Variants in ZNF189 observed in about 807,000 individuals in gnomAD.
The protein encoded by ZNF189 is zinc finger protein 189.
Under a neutral mutation model 53.5 loss-of-function variants are expected in ZNF189, and 33 were observed. The ratio of observed to expected loss-of-function variants is 0.62; its 90% confidence interval spans 0.47 to 0.82. ZNF189 has a LOEUF of 0.82. Ranked by LOEUF, ZNF189 falls within the 40% of genes least tolerant of loss-of-function variation. ZNF189 has a pLI of 0.00. For missense variants in ZNF189, 711 were observed against 753.9 expected, an observed-to-expected ratio of 0.94 and a Z score of 0.67; for synonymous variants, 247 against 238.8, an observed-to-expected ratio of 1.03 and a Z score of -0.32.
At chr9:101,399,303 C>T in intron 1 of ZNF189, 114 bp downstream of exon 1, 1 of 1,433,872 alleles carries the variant, frequency 7.0e-7, no homozygotes, top group Non-Finnish European at 9.2e-7. Context: ...TCTTTAGGGC[C>T]AGCGCCTTGC....
intron 2 of ZNF189, among the ~76,000 whole-genome samples, chr9:101,400,871 C>T (rs1246664799): frequency 6.6e-6 from 1 of 152,210 alleles, no homozygotes; most frequent in Non-Finnish European, 1.5e-5. Context: ...GACAGGCTTT[C>T]TCCCCTTGTG....
Position 101,409,767 on chromosome 9 carries a change from A to G in ZNF189, c.*118A>G. 8.4e-7 allele frequency: 1 copy of G among 1,184,946 alleles called. No homozygotes were observed. 73.4% of individuals were successfully genotyped at this position (1,184,946 alleles called of 1,614,324 possible). ...GCAAATTCTCCTTGGCCTCAGGCAAATAGTTTCTAAAGATTCTGTGAATAG... is the reference window on the plus strand; with the variant it reads ...GCAAATTCTCCTTGGCCTCAGGCAAGTAGTTTCTAAAGATTCTGTGAATAG... On this transcript the variant is annotated 3_prime_UTR_variant, in exon 3 of 3. Transcript: ENST00000339664.
chr9:101,401,220 A>G (rs919888113), intron 2 of ZNF189, among the ~76,000 whole-genome samples: 2 of 152,110 alleles, frequency 1.3e-5, no homozygotes, highest in African/African-American at 4.8e-5. Context: ...GGGTTTTTAT[A>G]TCTTAGCAAT....
chr9:101,400,155 A>G, intron 2 of ZNF189, 145 bp downstream of exon 2: 1 of 1,130,178 alleles, frequency 8.8e-7, no homozygotes, highest in Non-Finnish European at 1.2e-6. Context: ...TTGTTTCCAT[A>G]ACTCTCATCC....
In ZNF189 at chr9:101,399,880, T is replaced by TC; in HGVS notation, c.34-3dup. Reference sequence around the variant, plus strand: ...AACTGACTACAGAAATCATACTATTTCAGGGGTTGCTGACATTTGAGGATG... The same window carrying TC: ...AACTGACTACAGAAATCATACTATTTCCAGGGGTTGCTGACATTTGAGGATG... On this transcript the variant is annotated splice_polypyrimidine_tract_variant and splice_region_variant and intron_variant, in intron 1 of 2. Coordinates refer to ENST00000339664, the MANE Select transcript of ZNF189 (RefSeq NM_003452.4). 3 of 1,614,122 alleles carry TC rather than the reference T, an allele frequency of 1.9e-6. No homozygotes were observed. Among genetic ancestry groups the TC allele is most frequent in the Non-Finnish European group, 2.5e-6 (3 of 1,179,996 alleles).
At chr9:101,405,933 C>T (rs1297113835) in intron 2 of ZNF189, among the ~76,000 whole-genome samples, 1 of 151,604 alleles carries the variant, frequency 6.6e-6, no homozygotes, top group Non-Finnish European at 1.5e-5. Flanking sequence ...GGCACAGTGG[C>T]GGGTGCCTGT....
rs746233232 is a variant in ZNF189, at chr9:101,408,726, G to A, written c.958G>A (p.Glu320Lys). ...HTGERPHKCG[E>K]CGKAFRLSTY... ...TGGGGAAAGACCCCATAAATGTGGT[G>A]AATGTGGGAAAGCCTTTCGATTAAG... Residue 320 changes from glutamate to lysine, a missense_variant, in exon 3 of 3, where the codon GAA becomes AAA. Coordinates refer to ENST00000339664, the MANE Select transcript of ZNF189 (RefSeq NM_003452.4). 2.5e-6 allele frequency: 4 copies of A among 1,614,204 alleles called. No individual in the cohort carries two copies. Among genetic ancestry groups the A allele is most frequent in the Admixed American group, 1.7e-5 (1 of 60,020 alleles).
chr9:101,403,888 C>T (rs1830621724), intron 2 of ZNF189, among the ~76,000 whole-genome samples: 1 of 152,246 alleles, frequency 6.6e-6, no homozygotes, highest in Admixed American at 6.5e-5. Flanking sequence ...CAGTCTATAA[C>T]ACTGTCTTAT....
chr9:101,408,889 G>C lies in ZNF189; in HGVS notation c.1121G>C (p.Cys374Ser), dbSNP rs769280235. The change falls in exon 3 of 3, where the codon TGC becomes TCC. Residue 374 changes from cysteine to serine, a missense_variant. By Grantham distance (112) the Cys-to-Ser change is moderately radical. Coordinates refer to ENST00000339664, the MANE Select transcript of ZNF189 (RefSeq NM_003452.4). ...CATACTGGTGAAAGACCTTATCAGT[G>C]CAAAGAGTGTGGGAAAAGTTTCAGT... ...RIHTGERPYQ[C>S]KECGKSFSQL... The C allele has an allele frequency of 6.2e-7, 1 of 1,614,130 alleles. No individual in the cohort carries two copies. Among genetic ancestry groups the C allele is most frequent in the Non-Finnish European group, 8.5e-7 (1 of 1,180,024 alleles).
chr9:101,408,291 C>A lies in ZNF189; in HGVS notation c.523C>A (p.Pro175Thr), dbSNP rs1255049457. The A allele has an allele frequency of 1.2e-6, 2 of 1,613,964 alleles. No individual in the cohort carries two copies. The highest frequency in any genetic ancestry group is 1.7e-6 in the Non-Finnish European group (2 of 1,180,006). Residue 175 changes from proline to threonine, a missense_variant, in exon 3 of 3, where the codon CCT becomes ACT. By Grantham distance (38) the Pro-to-Thr change is conservative. Coordinates refer to ENST00000339664, the MANE Select transcript of ZNF189 (RefSeq NM_003452.4). ...QHQRVHTGEK[P>T]FQCNECGKSF... ...TCAAAGGGTCCATACTGGTGAGAAA[C>A]CTTTTCAGTGCAATGAATGTGGGAA... is the stretch of plus-strand genomic sequence containing the variant.
At chr9:101,407,683 C>G (rs1459245067) in intron 2 of ZNF189, among the ~76,000 whole-genome samples, 2 of 152,220 alleles carry the variant, frequency 1.3e-5, no homozygotes, top group East Asian at 3.8e-4. Context: ...GCATGAGCCA[C>G]TATGCCTGGC....
rs375023874 is a variant in ZNF189, at chr9:101,408,032, A to G, written c.264A>G (p.Lys88=). The G allele has an allele frequency of 9.3e-6, 15 of 1,613,868 alleles. No homozygotes were observed. The highest frequency in any genetic ancestry group is 1.2e-5 in the Non-Finnish European group (14 of 1,179,940). ...AGGGTGTAATAGTTACAAGAATCAA[A>G]AGTGAAATTGACCAGGATCCTATGG... ...EPQGVIVTRI[K]SEIDQDPMGR... The change falls in exon 3 of 3, where the codon AAA becomes AAG. Residue 88 remains lysine (K), a synonymous_variant. Transcript: ENST00000339664.
chr9:101,408,763 T>C lies in ZNF189; in HGVS notation c.995T>C (p.Ile332Thr). The C allele has an allele frequency of 6.2e-7, 1 of 1,614,106 alleles. No homozygotes were observed. The highest frequency in any genetic ancestry group is 1.1e-5 in the South Asian group (1 of 91,074). Residue 332 changes from isoleucine (I) to threonine (T), a missense_variant, in exon 3 of 3, where the codon ATA (isoleucine) becomes ACA (threonine). Physicochemically the swap from Ile to Thr is moderately conservative, Grantham distance 89. Transcript: ENST00000339664. ...GKAFRLSTYL[I>T]QHQKIHTGEK... is the part of the protein sequence containing the mutation. ...GCCTTTCGATTAAGCACATACCTTA[T>C]ACAACACCAAAAAATTCACACTGGC... is the stretch of plus-strand genomic sequence containing the variant.
At chr9:101,402,047 C>T (rs562741728) in intron 2 of ZNF189, among the ~76,000 whole-genome samples, 5 of 152,186 alleles carry the variant, frequency 3.3e-5, no homozygotes, top group Admixed American at 6.5e-5. Context: ...CCTGAGTAGC[C>T]GAGACAAACA....
intron 1 of ZNF189, 170 bp downstream of exon 1, chr9:101,399,359 T>G: frequency 7.3e-7 from 1 of 1,379,266 alleles, no homozygotes. Context: ...GCGAACAAAC[T>G]GCCCACTGGC....
At chr9:101,399,476 C>T in intron 1 of ZNF189, 3 of 1,304,992 alleles carry the variant, frequency 2.3e-6, no homozygotes, top group Non-Finnish European at 1.9e-6. Flanking sequence ...GGTGAAGCAC[C>T]ATTTTTGACC....
chr9:101,408,614 C>G lies in ZNF189; in HGVS notation c.846C>G (p.His282Gln). Reference protein sequence around the residue: ...KSHLIEHQRTHTGEKPYHCTK... With the variant: ...KSHLIEHQRTQTGEKPYHCTK... ...ACCTTATTGAGCATCAAAGAACTCA[C>G]ACTGGTGAGAAACCTTATCACTGTA... The change falls in exon 3 of 3, where the codon CAC (histidine) becomes CAG (glutamine). Residue 282 changes from histidine (H) to glutamine (Q), a missense_variant. Transcript: ENST00000339664. 6.2e-7 allele frequency: 1 copy of G among 1,613,722 alleles called. No individual in the cohort carries two copies. The highest frequency in any genetic ancestry group is 1.1e-5 in the South Asian group (1 of 91,056).
chr9:101,407,945 T>C lies in ZNF189; in HGVS notation c.177T>C (p.Asp59=). The C allele has an allele frequency of 6.4e-7, 1 of 1,570,972 alleles. No individual in the cohort carries two copies. The highest frequency in any genetic ancestry group is 2.3e-5 in the East Asian group (1 of 44,218). ...NLVSLDVLNR[D]KDEEPTVKQE... ...TTATTCCAGATGTTTTGAACAGAGA[T>C]AAGGATGAGGAGCCAACTGTAAAAC... Residue 59 remains aspartate, a synonymous_variant, in exon 3 of 3, where the codon GAT becomes GAC. Transcript: ENST00000339664.
At chr9:101,401,423 T>G (rs1830529376) in intron 2 of ZNF189, among the ~76,000 whole-genome samples, 1 of 152,226 alleles carries the variant, frequency 6.6e-6, no homozygotes, top group Admixed American at 6.5e-5. Context: ...TTCCAGAAAC[T>G]AATCAGTCAT....
Sources: allele counts gnomAD v4.1 joint callset (sites outside exome capture counted in the v4.1 genomes callset), GRCh38; gene constraint gnomAD v4.1.1; transcripts MANE v1.5; gene names NCBI Gene and HGNC (gene_info 2026-07-23, HGNC 2026-07-21).